DENND4C: variants seen among roughly 807,000 people sequenced by gnomAD.
DENND4C encodes the protein DENN domain containing 4C, also known as DENN domain-containing protein 4C.
In DENND4C, 108 loss-of-function variants were observed where a neutral mutation model predicts 203.0. The observed-to-expected ratio is 0.53, with a 90% CI of 0.46 to 0.62. The LOEUF is 0.62. Ranked by LOEUF, DENND4C falls within the 20% of genes least tolerant of loss-of-function variation. The probability of loss-of-function intolerance (pLI) is 0.00; values close to 1 mark genes in which losing one functional copy is unlikely to be tolerated. For synonymous variants in DENND4C, 871 were observed against 792.4 expected (o/e 1.10, Z -1.67); for missense variants, 2,481 against 2,301.2 (o/e 1.08, Z -1.60).
chr9:19,358,809 A>G lies in DENND4C; in HGVS notation c.5160+649A>G, dbSNP rs369640574. On this transcript the variant is annotated intron_variant, in intron 28 of 32. Coordinates refer to ENST00000434457, the MANE Select transcript of DENND4C (RefSeq NM_001330640.2). The surrounding 1 kb of genome is among the most constrained non-coding windows in gnomAD (Gnocchi z 4.8). ...TCCAGATTTTGCTGATTGCAACGAT[A>G]AAAGTTGGAATTTGTGTCCGGAACC... 2.1e-4 allele frequency among the ~76,000 whole-genome samples: 32 copies of G among 151,982 alleles called. 3 individuals are homozygous for G. The highest frequency in any genetic ancestry group is 7.9e-4 in the Admixed American group (12 of 15,282).
chr9:19,280,128 G>T (rs1833738684), intron 2 of DENND4C, among the ~76,000 whole-genome samples: 1 of 131,512 alleles, frequency 7.6e-6, no homozygotes, highest in African/African-American at 2.9e-5. Context: ...CTGCCTTCCT[G>T]CCTACCTGCC....
At chr9:19,356,058 G>C (rs1415428763) in intron 26 of DENND4C, among the ~76,000 whole-genome samples, 1 of 151,966 alleles carries the variant, frequency 6.6e-6, no homozygotes, top group Admixed American at 6.6e-5. Context: ...TGTTGTTATA[G>C]AAAATTTCAA....
chr9:19,269,949 T>G (rs892880340), intron 1 of DENND4C, among the ~76,000 whole-genome samples: 1 of 152,214 alleles, frequency 6.6e-6, no homozygotes, highest in Non-Finnish European at 1.5e-5. Context: ...ATCTAAGTCC[T>G]TGGTCTCTAT....
Position 19,350,844 on chromosome 9 carries a change from G to T in DENND4C, c.4460G>T (p.Ser1487Ile), listed in dbSNP as rs956149288. 6.2e-7 allele frequency: 1 copy of T among 1,613,936 alleles called. No homozygotes were observed. Residue 1487 changes from serine to isoleucine, a missense_variant, in exon 24 of 33, where the codon AGT (serine) becomes ATT (isoleucine). Physicochemically the swap from Ser to Ile is moderately radical, Grantham distance 142 (BLOSUM62 -2). Transcript: ENST00000434457. Reference protein sequence around the residue: ...QSNTSLGSSSSSGDVGKLHYP... With the variant: ...QSNTSLGSSSISGDVGKLHYP... ...AACACAAGTCTTGGCAGTAGCAGCA[G>T]TAGTGGAGATGTAGGAAAACTGCAT...
In DENND4C at chr9:19,346,553, G is replaced by C. The variant is rs931498703; in HGVS notation, c.3784G>C (p.Gly1262Arg). ...GTCTCTTTTAGCCACTGAATGTACA[G>C]GAGGAAAAACTCCTGATTCTGAAGA... is the stretch of plus-strand genomic sequence containing the variant. ...PLSLLATECT[G>R]GKTPDSEDKL... is the part of the protein sequence containing the mutation. Residue 1262 changes from glycine to arginine, a missense_variant, in exon 23 of 33, where the codon GGA (glycine) becomes CGA (arginine). Coordinates refer to ENST00000434457, the MANE Select transcript of DENND4C (RefSeq NM_001330640.2). 6.2e-7 allele frequency: 1 copy of C among 1,614,120 alleles called. No homozygotes were observed. Among genetic ancestry groups the C allele is most frequent in the African/African-American group, 1.3e-5 (1 of 75,032 alleles).
At chr9:19,352,365 A>G (rs1008518433) in intron 25 of DENND4C, 125 bp from the exon 26 acceptor site, 4 of 1,099,736 alleles carry the variant, frequency 3.6e-6, no homozygotes, top group African/African-American at 1.6e-5. Flanking sequence ...GTGAAATAAA[A>G]GAACTGTTAT....
At chr9:19,283,642 G>A (rs1395348748) in intron 2 of DENND4C, among the ~76,000 whole-genome samples, 10 of 91,840 alleles carry the variant, frequency 1.1e-4, no homozygotes, top group Admixed American at 4.5e-4. Flanking sequence ...ACAGAGTTTC[G>A]TTCTTGTTGC....
chr9:19,275,991 T>C (rs1333985431), intron 1 of DENND4C, among the ~76,000 whole-genome samples, 167 bp from the exon 2 acceptor site: 1 of 152,206 alleles, frequency 6.6e-6, no homozygotes, highest in East Asian at 1.9e-4. Flanking sequence ...ACTTTTGCTT[T>C]TACCAACTGA....
chr9:19,323,662 C>G (rs1843257764), intron 12 of DENND4C, among the ~76,000 whole-genome samples: 1 of 152,070 alleles, frequency 6.6e-6, no homozygotes, highest in Non-Finnish European at 1.5e-5. Flanking sequence ...ATTTTAAAAA[C>G]ACAATACAGA....
At chr9:19,321,762 G>A (rs1313672710) in intron 12 of DENND4C, among the ~76,000 whole-genome samples, 2 of 151,230 alleles carry the variant, frequency 1.3e-5, no homozygotes, top group South Asian at 2.1e-4. Flanking sequence ...AACCTGGGAG[G>A]TGGAGGTTGT....
intron 31 of DENND4C, chr9:19,371,325 C>G (rs546463137): frequency 2.5e-5 from 4 of 158,260 alleles, no homozygotes; most frequent in African/African-American, 9.6e-5. Context: ...GTTTTAGACC[C>G]CTAACTTACT....
chr9:19,231,794 A>G (rs1357855552), intron 1 of DENND4C, among the ~76,000 whole-genome samples: 1 of 151,750 alleles, frequency 6.6e-6, no homozygotes, highest in Non-Finnish European at 1.5e-5. Context: ...CAAGCGTTGT[A>G]GCCTGAGAAA....
chr9:19,334,922 A>AT, intron 17 of DENND4C, 55 bp from the exon 18 acceptor site: 2 of 1,449,144 alleles, frequency 1.4e-6, no homozygotes, highest in Non-Finnish European at 1.8e-6. Flanking sequence ...AATCTCTACA[A>AT]TTCACAGATA....
intron 9 of DENND4C, among the ~76,000 whole-genome samples, chr9:19,302,983 C>G: frequency 6.6e-6 from 1 of 150,390 alleles, no homozygotes; most frequent in Non-Finnish European, 1.5e-5. Context: ...ATGTCCTTTA[C>G]TTGGCTTTAC....
intron 1 of DENND4C, among the ~76,000 whole-genome samples, chr9:19,269,350 G>T (rs944736433): frequency 6.6e-6 from 1 of 152,058 alleles, no homozygotes; most frequent in African/African-American, 2.4e-5. Flanking sequence ...GTAGAGACAG[G>T]GTTTCACCAC....
chr9:19,324,229 GCTT>G, intron 12 of DENND4C, 130 bp from the exon 13 acceptor site: 1 of 545,388 alleles, frequency 1.8e-6, no homozygotes, highest in Non-Finnish European at 2.9e-6. Context: ...ACCTATAGAA[GCTT>G]CTTTTTAAAT....
intron 13 of DENND4C, among the ~76,000 whole-genome samples, chr9:19,325,693 T>G (rs910717899): frequency 6.6e-6 from 1 of 152,184 alleles, no homozygotes; most frequent in African/African-American, 2.4e-5. Flanking sequence ...ACCTTGTGAT[T>G]GGTCATCTTT....
At chr9:19,237,808 T>C (rs1292593783) in intron 1 of DENND4C, among the ~76,000 whole-genome samples, 1 of 152,220 alleles carries the variant, frequency 6.6e-6, no homozygotes, top group Non-Finnish European at 1.5e-5. Flanking sequence ...TAATTTAAAT[T>C]TTATATACCC....
intron 12 of DENND4C, among the ~76,000 whole-genome samples, chr9:19,322,189 G>A (rs566742130): frequency 1.3e-5 from 2 of 152,294 alleles, no homozygotes; most frequent in African/African-American, 2.4e-5. Context: ...ATGTAGTAGG[G>A]TTGTTGGTGA....
Sources: allele counts gnomAD v4.1 joint callset (sites outside exome capture counted in the v4.1 genomes callset), GRCh38; gene constraint gnomAD v4.1.1; non-coding constraint Gnocchi (gnomAD v3.1); transcripts MANE v1.5; gene names NCBI Gene and HGNC (gene_info 2026-07-23, HGNC 2026-07-21).